MYOM3: variants seen among roughly 807,000 people sequenced by gnomAD.
The protein encoded by MYOM3 is myomesin 3, also known as myomesin-3.
In MYOM3, 155 loss-of-function variants were observed where a neutral mutation model predicts 191.7. That is an observed-to-expected ratio of 0.81 (90% confidence interval 0.71 to 0.92). The LOEUF is 0.92. Among genes scored for constraint, MYOM3 ranks in the 40% least tolerant of loss-of-function variants. The pLI is 0.00. For synonymous variants in MYOM3, 757 were observed against 762.9 expected (o/e 0.99, Z 0.13); for missense variants, 1,889 against 1,890.6 (o/e 1.00, Z 0.02).
chr1:24,057,842 C>T (rs1334993219), intron 36 of MYOM3, among the ~76,000 whole-genome samples: 5 of 152,062 alleles, frequency 3.3e-5, no homozygotes, highest in African/African-American at 1.2e-4. Context: ...AGTCTCGTTC[C>T]ATCGCCCAGG....
In MYOM3 at chr1:24,096,943, G is replaced by A. The variant is rs370907974; in HGVS notation, c.745+980C>T. Among the ~76,000 whole-genome samples the A allele has an allele frequency of 3.5e-4, 54 of 152,350 alleles. No individual in the cohort carries two copies. The East Asian group carries it at 5.2e-3, about 15-fold the overall frequency. On this transcript the variant is annotated intron_variant, in intron 7 of 36. Transcript: ENST00000374434. ...TCTGAGAGAGGTGGTAGGATTGTAGGATTCTCCCTTTCACAGATGAGGAAA... is the reference window on the plus strand; with the variant it reads ...TCTGAGAGAGGTGGTAGGATTGTAGAATTCTCCCTTTCACAGATGAGGAAA...
chr1:24,105,586 G>T (rs368716653), intron 5 of MYOM3, among the ~76,000 whole-genome samples: 10 of 152,212 alleles, frequency 6.6e-5, no homozygotes, highest in African/African-American at 2.2e-4. Context: ...GCTGGCTGCG[G>T]GGCAGCTAAG....
At chr1:24,094,087 A>G (rs1025304861) in intron 9 of MYOM3, among the ~76,000 whole-genome samples, 9 of 151,908 alleles carry the variant, frequency 5.9e-5, no homozygotes, top group African/African-American at 2.2e-4. Context: ...CAACTGTTGC[A>G]GCCTGCCCTG....
At chr1:24,082,268 A>G in intron 17 of MYOM3, 80 bp from the exon 18 acceptor site, 1 of 1,309,086 alleles carries the variant, frequency 7.6e-7, no homozygotes, top group Non-Finnish European at 1.0e-6. Flanking sequence ...GGAGCTGACG[A>G]GCCTCCTCTA....
chr1:24,086,974 C>T, intron 14 of MYOM3, 147 bp from the exon 15 acceptor site: 1 of 763,848 alleles, frequency 1.3e-6, no homozygotes, highest in Non-Finnish European at 2.1e-6. Flanking sequence ...GGGGCTCTGC[C>T]CCATCTGCCT....
intron 5 of MYOM3, among the ~76,000 whole-genome samples, chr1:24,102,538 A>G (rs551433931): frequency 1.3e-5 from 2 of 152,246 alleles, no homozygotes; most frequent in Non-Finnish European, 2.9e-5. Context: ...TAAAAAGAAA[A>G]AAAGATTGCT....
rs920367230 is a variant in MYOM3, at chr1:24,087,378, C to G, written c.1615-551G>C. 1.3e-5 allele frequency among the ~76,000 whole-genome samples: 2 copies of G among 152,120 alleles called. No homozygotes were observed. Among genetic ancestry groups the G allele is most frequent in the Non-Finnish European group, 2.9e-5 (2 of 68,022 alleles). On this transcript the variant is annotated intron_variant, in intron 14 of 36. Coordinates refer to ENST00000374434, the MANE Select transcript of MYOM3 (RefSeq NM_152372.4). This position sits in a 1 kb window ranked among gnomAD's most constrained non-coding sequence, Gnocchi z 4.5. ...CCATCAGGGGGATCCTTTTATAGCA[C>G]GTGTCAGACCAGGTCCCTGTCTGCC...
chr1:24,067,309 TTTCTTTCTTTCTTTCC>T (rs1643452116), intron 27 of MYOM3, among the ~76,000 whole-genome samples: 6 of 91,036 alleles, frequency 6.6e-5, no homozygotes, highest in African/African-American at 1.7e-4. Flanking sequence ...TCTTTCCTTC[TTTCTTTCTTTCTTTCC>T]TTCTTTCTTT....
chr1:24,065,134 C>G (rs761760975), intron 29 of MYOM3, among the ~76,000 whole-genome samples: 1 of 152,192 alleles, frequency 6.6e-6, no homozygotes, highest in African/African-American at 2.4e-5. Context: ...CTTTGAAGCA[C>G]CTACTGGTGC....
chr1:24,074,027 G>A (rs1337580117), intron 23 of MYOM3, 133 bp downstream of exon 23: 5 of 647,198 alleles, frequency 7.7e-6, no homozygotes, highest in Non-Finnish European at 1.4e-5. Flanking sequence ...GAAAGAATGG[G>A]TGGGTGAGGG....
chr1:24,066,070 A>G, intron 28 of MYOM3, 69 bp from the exon 29 acceptor site: 1 of 981,816 alleles, frequency 1.0e-6, no homozygotes, highest in East Asian at 2.4e-5. Flanking sequence ...ACACCTGTGC[A>G]CACTTTCAGG....
chr1:24,070,132 C>A (rs995451796), intron 25 of MYOM3, among the ~76,000 whole-genome samples: 1 of 151,994 alleles, frequency 6.6e-6, no homozygotes, highest in South Asian at 2.1e-4. Flanking sequence ...AGAAATAAGT[C>A]GTTTAAAATA....
At chr1:24,100,578 A>T (rs1285264709) in intron 5 of MYOM3, among the ~76,000 whole-genome samples, 1 of 152,132 alleles carries the variant, frequency 6.6e-6, no homozygotes, top group Non-Finnish European at 1.5e-5. Context: ...CAATAGCCGG[A>T]GGAGCTTTCA....
chr1:24,074,173 C>T lies in MYOM3; in HGVS notation c.2955G>A (p.Thr985=), dbSNP rs764620092. The T allele has an allele frequency of 1.7e-5, 28 of 1,613,262 alleles. No homozygotes were observed. Among genetic ancestry groups the T allele is most frequent in the Non-Finnish European group, 2.1e-5 (25 of 1,179,472 alleles). The change falls in exon 23 of 37, where the codon ACG becomes ACA. Residue 985 remains threonine, a synonymous_variant. Transcript: ENST00000374434. Reference sequence around the variant, plus strand: ...TAGGTGCATTACCTTCCTCGGTTAGCGTGTGGCTTGCGGAGATGTCTTCAT... The same window carrying T: ...TAGGTGCATTACCTTCCTCGGTTAGTGTGTGGCTTGCGGAGATGTCTTCAT... ...DADEDISASH[T]LTEEELEKLK...
rs1327710754 is a variant in MYOM3 at position 24,068,285 on chromosome 1, T to G, written c.3233A>C (p.Tyr1078Ser). Residue 1078 changes from tyrosine to serine, a missense_variant, in exon 26 of 37, where the codon TAC (tyrosine) becomes TCC (serine). Transcript: ENST00000374434. ...TTTTCCATCTTGGAGTTGAGCGGTG[T>G]ACGACCCTTTGTCCTCCTCAGACAA... ...QNLSEEDKGS[Y>S]TAQLQDGKAK... The G allele has an allele frequency of 6.2e-7, 1 of 1,614,080 alleles. No individual in the cohort carries two copies. Among genetic ancestry groups the G allele is most frequent in the Admixed American group, 1.7e-5 (1 of 60,010 alleles).
chr1:24,096,589 G>A (rs564227550), intron 7 of MYOM3, among the ~76,000 whole-genome samples: 1 of 152,228 alleles, frequency 6.6e-6, no homozygotes, highest in Non-Finnish European at 1.5e-5. Context: ...TTAGGGAACA[G>A]GACAGTGGGT....
Position 24,105,940 on chromosome 1 carries a change from T to G in MYOM3, c.540A>C (p.Ser180=). 5 of 1,606,888 alleles carry G rather than the reference T, an allele frequency of 3.1e-6. No homozygotes were observed. Among genetic ancestry groups the G allele is most frequent in the Non-Finnish European group, 4.3e-6 (5 of 1,176,158 alleles). Residue 180 remains serine, a synonymous_variant, in exon 5 of 37, where the codon TCA becomes TCC. Transcript: ENST00000374434. ...CTTACCAGGTGACCTGGGGTGGTGG[T>G]GAGGCCTGGACAGTGCAGGTCAGCA... ...TVLLTCTVQA[S]PPPQVTWYKN...
chr1:24,077,670 T>C (rs1490811096), intron 20 of MYOM3, among the ~76,000 whole-genome samples: 1 of 152,186 alleles, frequency 6.6e-6, no homozygotes, highest in Non-Finnish European at 1.5e-5. Flanking sequence ...ACCCAACAAC[T>C]GTGACTTATT....
In MYOM3 at chr1:24,105,983, C is replaced by T. The variant is rs756345106; in HGVS notation, c.497G>A (p.Trp166Ter). 2.5e-6 allele frequency: 4 copies of T among 1,614,028 alleles called. No homozygotes were observed. The highest frequency in any genetic ancestry group is 3.4e-6 in the Non-Finnish European group (4 of 1,180,002). Residue 166 changes from tryptophan (W) to a stop codon, truncating the protein, a stop_gained, in exon 5 of 37, where the codon TGG becomes TAG. Coordinates refer to ENST00000374434, the MANE Select transcript of MYOM3 (RefSeq NM_152372.4). LOFTEE classifies it high-confidence loss of function. The stretch of plus-strand genomic sequence containing the variant: ...GGTCAGCAGGACCGTGGTGTGCTCC[C>T]AGACGGCGTGGGAGCGAAGAGGGAT... ...FWIPLRSHAVWEHTTVLLTCT... is the reference protein window; with the variant it reads ...FWIPLRSHAV
Sources: allele counts gnomAD v4.1 joint callset (sites outside exome capture counted in the v4.1 genomes callset), GRCh38; gene constraint gnomAD v4.1.1; non-coding constraint Gnocchi (gnomAD v3.1); transcripts MANE v1.5; gene names NCBI Gene and HGNC (gene_info 2026-07-23, HGNC 2026-07-21).